SIPA1L3: variants seen among roughly 807,000 people sequenced by gnomAD.
SIPA1L3 encodes signal-induced proliferation-associated 1-like protein 3.
Under a neutral mutation model 150.1 loss-of-function variants are expected in SIPA1L3, and 59 were observed. That is an observed-to-expected ratio of 0.39 (90% confidence interval 0.32 to 0.49). The LOEUF is 0.49. Ranked by LOEUF, SIPA1L3 falls within the 20% of genes least tolerant of loss-of-function variation. The pLI is 0.86. For missense variants in SIPA1L3, 2,211 were observed against 2,489.5 expected, an observed-to-expected ratio of 0.89 and a Z score of 2.38; for synonymous variants, 1,070 against 1,077.6, an observed-to-expected ratio of 0.99 and a Z score of 0.14.
chr19:37,962,268 C>T (rs866933755), intron 1 of SIPA1L3, among the ~76,000 whole-genome samples: 8 of 151,182 alleles, frequency 5.3e-5, no homozygotes, highest in Admixed American at 3.3e-4. Context: ...CTCAGCCTCC[C>T]GAGTAGCTGG....
intron 10 of SIPA1L3, among the ~76,000 whole-genome samples, chr19:38,134,708 A>G (rs985542525): frequency 3.2e-3 from 16 of 4,968 alleles, no homozygotes; most frequent in African/African-American, 0.027. Flanking sequence ...CTGTTTCAGG[A>G]AAAAAAAAAA....
At chr19:37,995,268 C>G (rs567725422) in intron 1 of SIPA1L3, among the ~76,000 whole-genome samples, 1 of 152,306 alleles carries the variant, frequency 6.6e-6, no homozygotes, top group South Asian at 2.1e-4. Context: ...ATGGCAGTGG[C>G]ATCCGCTAGA....
At chr19:38,042,828 C>T (rs1968957785) in intron 2 of SIPA1L3, among the ~76,000 whole-genome samples, 1 of 152,176 alleles carries the variant, frequency 6.6e-6, no homozygotes, top group Admixed American at 6.6e-5. Context: ...TGACCTCATT[C>T]ATTCATTCAT....
At chr19:38,101,028 A>C (rs1283358833) in intron 5 of SIPA1L3, 24 bp from the exon 6 acceptor site, 8 of 1,512,526 alleles carry the variant, frequency 5.3e-6, no homozygotes, top group Non-Finnish European at 7.1e-6. Flanking sequence ...GCCTGCCTCC[A>C]CAAAGCCACT....
At chr19:38,000,959 A>AAC (rs71177497) in intron 1 of SIPA1L3, among the ~76,000 whole-genome samples, 136,111 of 144,852 alleles carry the variant, frequency 0.94, 64,054 homozygotes, top group African/African-American at 0.98. Context: ...ACACACATAT[A>AAC]ACACATATAT....
At chr19:38,064,397 T>C (rs1313172642) in intron 2 of SIPA1L3, among the ~76,000 whole-genome samples, 1 of 152,142 alleles carries the variant, frequency 6.6e-6, no homozygotes, top group Non-Finnish European at 1.5e-5. Flanking sequence ...AAAGTATTAT[T>C]ATATAAGAAA....
chr19:37,997,973 C>T (rs1967685271), intron 1 of SIPA1L3, among the ~76,000 whole-genome samples: 1 of 152,078 alleles, frequency 6.6e-6, no homozygotes, highest in African/African-American at 2.4e-5. Flanking sequence ...CTTGCCAGGA[C>T]CTGGTGTTGC....
At chr19:38,068,293 T>C (rs1599995941) in intron 2 of SIPA1L3, among the ~76,000 whole-genome samples, 1 of 151,900 alleles carries the variant, frequency 6.6e-6, no homozygotes, top group Non-Finnish European at 1.5e-5. Flanking sequence ...CCTCCCAAAG[T>C]GCTGGGATTA....
At chr19:38,001,009 T>C (rs551761584) in intron 1 of SIPA1L3, among the ~76,000 whole-genome samples, 28 of 149,438 alleles carry the variant, frequency 1.9e-4, no homozygotes, top group Admixed American at 2.0e-4. Flanking sequence ...ATCAATCATA[T>C]ACACATATAT....
At chr19:38,138,910 A>AAAAAAAAAAAAAAAAAAAAC (rs1343348254) in intron 10 of SIPA1L3, among the ~76,000 whole-genome samples, 5 of 112,860 alleles carry the variant, frequency 4.4e-5, no homozygotes, top group South Asian at 2.7e-4. Flanking sequence ...AAAAAAAAAA[A>AAAAAAAAAAAAAAAAAAAAC]AAAAACTGAG....
chr19:38,032,901 A>C (rs145507910), intron 2 of SIPA1L3, among the ~76,000 whole-genome samples: 2 of 152,052 alleles, frequency 1.3e-5, no homozygotes, highest in Non-Finnish European at 2.9e-5. Context: ...TATATAGTGT[A>C]CATAGGATGT....
chr19:38,136,008 C>G (rs1971426253), intron 10 of SIPA1L3, among the ~76,000 whole-genome samples: 1 of 151,704 alleles, frequency 6.6e-6, no homozygotes, highest in African/African-American at 2.4e-5. Flanking sequence ...TGGGGTCTTC[C>G]TCCTACCCCC....
chr19:38,188,941 C>A (rs1259032162), intron 16 of SIPA1L3, among the ~76,000 whole-genome samples: 1 of 151,254 alleles, frequency 6.6e-6, no homozygotes, highest in Non-Finnish European at 1.5e-5. Context: ...AAAAAGTAAG[C>A]CTCTCTCCCT....
intron 1 of SIPA1L3, among the ~76,000 whole-genome samples, chr19:37,985,953 G>A (rs575580757): frequency 3.3e-5 from 5 of 152,346 alleles, no homozygotes; most frequent in Admixed American, 6.5e-5. Flanking sequence ...ACCCAGCTGC[G>A]CCGTCATGCG....
intron 1 of SIPA1L3, among the ~76,000 whole-genome samples, chr19:38,026,301 C>A (rs960332359): frequency 6.6e-6 from 1 of 152,152 alleles, no homozygotes; most frequent in African/African-American, 2.4e-5. Context: ...GGAAATAAAC[C>A]ATCTCTTTCC....
intron 1 of SIPA1L3, among the ~76,000 whole-genome samples, chr19:37,951,029 C>T (rs1362127815): frequency 6.6e-6 from 1 of 152,234 alleles, no homozygotes; most frequent in Non-Finnish European, 1.5e-5. Context: ...TGGGGTTTTC[C>T]TGTTGGGAAC....
chr19:38,034,760 C>T (rs917157702), intron 2 of SIPA1L3, among the ~76,000 whole-genome samples: 1 of 152,230 alleles, frequency 6.6e-6, no homozygotes, highest in South Asian at 2.1e-4. Context: ...CAGGGACTTA[C>T]AAGTGGCTGA....
intron 1 of SIPA1L3, among the ~76,000 whole-genome samples, chr19:37,985,216 G>C (rs1216156685): frequency 6.8e-6 from 1 of 147,684 alleles, no homozygotes; most frequent in East Asian, 2.0e-4. Context: ...TTTTTTTTGA[G>C]TGTGGGTCTC....
At chr19:37,933,329 C>G (rs2046572213) in intron 1 of SIPA1L3, among the ~76,000 whole-genome samples, 1 of 152,112 alleles carries the variant, frequency 6.6e-6, no homozygotes, top group South Asian at 2.1e-4. Flanking sequence ...TCCCTCAAGT[C>G]TCTGTTCAGA....
Sources: allele counts gnomAD v4.1 joint callset (sites outside exome capture counted in the v4.1 genomes callset), GRCh38; gene constraint gnomAD v4.1.1; transcripts MANE v1.5; gene names NCBI Gene and HGNC (gene_info 2026-07-23, HGNC 2026-07-21).